LMNA: variants seen among roughly 807,000 people sequenced by gnomAD.
LMNA encodes lamin A/C, also known as lamin.
LMNA carries 20 observed loss-of-function variants against 70.4 expected under a neutral mutation model. The observed-to-expected ratio is 0.28, with a 90% confidence interval of 0.20 to 0.41. The LOEUF is 0.41. Among genes scored for constraint, LMNA ranks in the 10% least tolerant of loss-of-function variants. The pLI is 1.00. For synonymous variants in LMNA, 339 were observed against 372.8 expected (o/e 0.91, Z 1.04); for missense variants, 652 against 917.2 (o/e 0.71, Z 3.73).
Position 156,103,484 on chromosome 1 carries a change from G to A in LMNA, c.-206-11229G>A, listed in dbSNP as rs1649210811. ...CCCCATTTTGCATACAGTAGCTGAG[G>A]CTCAGCCAGGAAAATGGGTGGGAAC... is the stretch of plus-strand genomic sequence containing the variant. On this transcript the variant is annotated intron_variant, in intron 3 of 12. Transcript: ENST00000368301. This position sits in a 1 kb window ranked among gnomAD's most constrained non-coding sequence, Gnocchi z 4.7. 6.6e-6 allele frequency among the ~76,000 whole-genome samples: 1 copy of A among 152,144 alleles called. No homozygotes were observed. The highest frequency in any genetic ancestry group is 6.5e-5 in the Admixed American group (1 of 15,278).
chr1:156,109,820 A>ATGTGTG (rs71080747), upstream of LMNA: 3,007 of 123,596 alleles, frequency 0.024, 87 homozygotes, highest in African/African-American at 0.091. Flanking sequence ...GTGTGTGTGC[A>ATGTGTG]TATATATATA....
intron 3 of LMNA, among the ~76,000 whole-genome samples, chr1:156,107,365 T>C (rs972875458): frequency 1.3e-5 from 2 of 152,208 alleles, no homozygotes; most frequent in Non-Finnish European, 2.9e-5. Flanking sequence ...CTGTCTCCCA[T>C]GGCAGCGTGG....
rs1651840310 is a variant in LMNA, at chr1:156,138,274, C to A, written c.1699-214C>A. On this transcript the variant is annotated intron_variant, in intron 10 of 11. Transcript: ENST00000368300. The surrounding 1 kb of genome is among the most constrained non-coding windows in gnomAD (Gnocchi z 5.5). ...AGAGTCACTGCTCTGGTTCTCTGTC[C>A]CCAAGTCTTCCTGAGCCTTCTCCCC... is the stretch of plus-strand genomic sequence containing the variant. The A allele has an allele frequency of 3.3e-6, 2 of 603,794 alleles. No individual in the cohort carries two copies. The highest frequency in any genetic ancestry group is 5.9e-6 in the Non-Finnish European group (2 of 340,390). The allele number at this position is 603,794 out of a possible 1,614,324, so 37.4% of individuals were successfully genotyped here. A position where few individuals can be genotyped will look rare whatever the true frequency, so the allele number is the denominator to read the frequency against.
chr1:156,088,344 T>C (rs1648560319), intron 2 of LMNA, among the ~76,000 whole-genome samples: 1 of 152,108 alleles, frequency 6.6e-6, no homozygotes, highest in East Asian at 1.9e-4. Flanking sequence ...ATACCAGCAG[T>C]CCAAACCTCA....
intron 3 of LMNA, among the ~76,000 whole-genome samples, chr1:156,095,996 G>A (rs1648924341): frequency 4.6e-5 from 7 of 152,206 alleles, no homozygotes; most frequent in Admixed American, 4.6e-4. Context: ...GTGTTTCTGT[G>A]CCCCACCTTC....
At chr1:156,126,294 T>C in intron 1 of LMNA, 2 of 1,163,564 alleles carry the variant, frequency 1.7e-6, no homozygotes, top group Non-Finnish European at 2.4e-6. Context: ...CACCTCCCCT[T>C]TGTCTTCCCC....
chr1:156,104,286 G>A (rs916583042), intron 3 of LMNA, among the ~76,000 whole-genome samples: 19 of 152,286 alleles, frequency 1.2e-4, no homozygotes, highest in African/African-American at 4.3e-4. Flanking sequence ...GGAGGAGCCT[G>A]GAAGGGCCTG....
At chr1:156,108,205 G>T (rs539607412) in intron 3 of LMNA, among the ~76,000 whole-genome samples, 1 of 152,060 alleles carries the variant, frequency 6.6e-6, no homozygotes, top group Non-Finnish European at 1.5e-5. Flanking sequence ...GAGTAGGCAC[G>T]GTCTTCCACT....
intron 1 of LMNA, chr1:156,129,857 T>G: frequency 1.3e-6 from 1 of 771,244 alleles, no homozygotes; most frequent in Non-Finnish European, 2.4e-6. Context: ...CAGATGGACC[T>G]GGAGGCCTGG....
At chr1:156,125,034 G>A (rs915483220) in intron 1 of LMNA, among the ~76,000 whole-genome samples, 7 of 152,164 alleles carry the variant, frequency 4.6e-5, no homozygotes, top group African/African-American at 7.2e-5. Context: ...GAGCCTACCC[G>A]TCTCCAGGCT....
upstream of LMNA, among the ~76,000 whole-genome samples, chr1:156,112,110 C>T (rs1444260573): frequency 6.6e-6 from 1 of 152,146 alleles, no homozygotes; most frequent in African/African-American, 2.4e-5. Context: ...TTCTCCTGCA[C>T]CTTTTCCACA....
rs577492 is a variant in LMNA at position 156,130,948 on chromosome 1, T to C, written c.513+175T>C. 0.21 allele frequency among the ~76,000 whole-genome samples: 32,227 copies of C among 152,130 alleles called. 7,133 individuals carry two copies. Among genetic ancestry groups the C allele is most frequent in the African/African-American group, 0.57 (23,508 of 41,450 alleles). ...AGGTCACATCTTATCCTAATTTGGC[T>C]GCCAATGGGATCTACCACAGTGAAT... is the stretch of plus-strand genomic sequence containing the variant. On this transcript the variant is annotated intron_variant, in intron 2 of 11. Coordinates refer to ENST00000368300, the MANE Select transcript of LMNA (RefSeq NM_170707.4).
intron 3 of LMNA, among the ~76,000 whole-genome samples, chr1:156,093,083 T>G (rs899811764): frequency 4.0e-5 from 6 of 151,538 alleles, no homozygotes; most frequent in African/African-American, 1.5e-4. Flanking sequence ...AGAGACAGTG[T>G]TTCACCATGT....
chr1:156,102,814 G>C (rs1420188917), intron 3 of LMNA, among the ~76,000 whole-genome samples: 1 of 152,156 alleles, frequency 6.6e-6, no homozygotes. Flanking sequence ...CAAACTTTCC[G>C]ATGGGAGTTT....
chr1:156,116,424 C>A (rs762739211), intron 1 of LMNA, among the ~76,000 whole-genome samples: 16 of 151,742 alleles, frequency 1.1e-4, no homozygotes, highest in Non-Finnish European at 2.4e-4. Flanking sequence ...CTCTTCCAGC[C>A]CCATCAAAAT....
In LMNA at chr1:156,127,509, GTTTTTTTTTTTTT is replaced by G. The variant is rs1170940332; in HGVS notation, c.357-3093_357-3081del. 5.9e-5 allele frequency among the ~76,000 whole-genome samples: 5 copies of G among 84,496 alleles called. No homozygotes were observed. The South Asian group carries it at 1.7e-3, about 28-fold the overall frequency. The allele number at this position is 84,496 out of a possible 152,430, so 55.4% of individuals were successfully genotyped here. On this transcript the variant is annotated intron_variant, in intron 1 of 11. Coordinates refer to ENST00000368300, the MANE Select transcript of LMNA (RefSeq NM_170707.4). ...GGGAAAGACAAATAACCCCCTTACT[GTTTTTTTTTTTTT>G]TTTTTTTTTTTTTTGAGATGGAGTC... is the stretch of plus-strand genomic sequence containing the variant.
chr1:156,088,680 C>T (rs1017667121), intron 2 of LMNA, among the ~76,000 whole-genome samples: 21 of 152,310 alleles, frequency 1.4e-4, no homozygotes, highest in Middle Eastern at 3.4e-3. Flanking sequence ...GACGGAGTCT[C>T]GCTCTGTTGC....
intron 2 of LMNA, among the ~76,000 whole-genome samples, chr1:156,084,107 T>G (rs1334797742): frequency 1.3e-5 from 2 of 152,098 alleles, no homozygotes; most frequent in African/African-American, 4.8e-5. Context: ...AGTGGTAAGG[T>G]GTCCTTTTCT....
rs61813333 is a variant in LMNA at position 156,119,777 on chromosome 1, G to A, written c.356+4503G>A. Among the ~76,000 whole-genome samples, 1,165 of 149,076 alleles carry A rather than the reference G, an allele frequency of 7.8e-3. 10 individuals carry two copies. Among genetic ancestry groups the A allele is most frequent in the Non-Finnish European group, 0.013 (851 of 67,132 alleles). On this transcript the variant is annotated intron_variant, in intron 1 of 11. Transcript: ENST00000368300. ...GCTTTACAGAAGACAGCAGGAGACAGGGTGGAGACAGCAGTTGTCTTAAAG... is the reference window on the plus strand; with the variant it reads ...GCTTTACAGAAGACAGCAGGAGACAAGGTGGAGACAGCAGTTGTCTTAAAG...
Sources: allele counts gnomAD v4.1 joint callset (sites outside exome capture counted in the v4.1 genomes callset), GRCh38; gene constraint gnomAD v4.1.1; non-coding constraint Gnocchi (gnomAD v3.1); transcripts MANE v1.5; gene names NCBI Gene and HGNC (gene_info 2026-07-23, HGNC 2026-07-21).